DOCK9: variants seen among roughly 807,000 people sequenced by gnomAD.
The protein encoded by DOCK9 is dedicator of cytokinesis 9.
DOCK9 carries 89 observed loss-of-function variants against 263.3 expected under a neutral mutation model. The observed-to-expected ratio is 0.34, with a 90% CI of 0.28 to 0.40. The LOEUF (loss-of-function observed/expected upper bound fraction) is 0.40, where lower values mean the gene tolerates loss of function less well. Among genes scored for constraint, DOCK9 ranks in the 10% least tolerant of loss-of-function variants. The probability of loss-of-function intolerance (pLI) is 1.00; values close to 1 mark genes in which losing one functional copy is unlikely to be tolerated. For missense variants in DOCK9, 2,140 were observed against 2,603.4 expected (o/e 0.82, Z 3.87); for synonymous variants, 976 against 973.1 (o/e 1.00, Z -0.06).
At chr13:98,939,469 T>C (rs1038354399) in intron 2 of DOCK9, among the ~76,000 whole-genome samples, 1 of 152,210 alleles carries the variant, frequency 6.6e-6, no homozygotes, top group Non-Finnish European at 1.5e-5. Flanking sequence ...TGCTTATTTT[T>C]GTGCTTGTTT....
chr13:98,924,373 G>A (rs73560662), intron 4 of DOCK9, among the ~76,000 whole-genome samples: 1 of 152,158 alleles, frequency 6.6e-6, no homozygotes, highest in Non-Finnish European at 1.5e-5. Flanking sequence ...TGTAACAAAC[G>A]CAAAGAAAAA....
intron 7 of DOCK9, among the ~76,000 whole-genome samples, chr13:98,919,765 G>A (rs1189741439): frequency 6.6e-6 from 1 of 152,238 alleles, no homozygotes; most frequent in Non-Finnish European, 1.5e-5. Context: ...CATGTGCACT[G>A]TGAATTGCGT....
intron 1 of DOCK9, among the ~76,000 whole-genome samples, chr13:99,082,717 C>A (rs557942116): frequency 6.6e-6 from 1 of 152,194 alleles, no homozygotes; most frequent in South Asian, 2.1e-4. Context: ...GAATATACGC[C>A]AGCCACTGCC....
At chr13:99,008,275 C>T (rs1883831159) in intron 1 of DOCK9, among the ~76,000 whole-genome samples, 1 of 145,506 alleles carries the variant, frequency 6.9e-6, no homozygotes, top group East Asian at 2.0e-4. Context: ...TCTTGTCCCC[C>T]AGGCTGAAGT....
At chr13:98,809,310 T>A (rs754135974) in intron 47 of DOCK9, 42 bp downstream of exon 47, 6 of 1,511,672 alleles carry the variant, frequency 4.0e-6, no homozygotes, top group South Asian at 2.4e-5. Flanking sequence ...TGTTTTTTTT[T>A]AAAGGACTTA....
chr13:98,847,709 C>A (rs1212426092), intron 37 of DOCK9: 2 of 152,114 alleles, frequency 1.3e-5, no homozygotes, highest in Admixed American at 6.5e-5. Flanking sequence ...GAGAAACAAA[C>A]CTCAATGACA....
intron 18 of DOCK9, 41 bp from the exon 19 acceptor site, chr13:98,886,665 T>A (rs1234364377): frequency 1.3e-6 from 2 of 1,569,462 alleles, no homozygotes; most frequent in Admixed American, 3.4e-5. Context: ...ACGGTTCGAT[T>A]AAGTAAGAAA....
intron 15 of DOCK9, among the ~76,000 whole-genome samples, chr13:98,896,159 A>G (rs1419072004): frequency 6.6e-6 from 1 of 152,256 alleles, no homozygotes; most frequent in African/African-American, 2.4e-5. Flanking sequence ...TTAAAGCTCC[A>G]AACAGGGGAA....
At chr13:98,862,260 T>A (rs2093894710) in intron 32 of DOCK9, among the ~76,000 whole-genome samples, 1 of 152,150 alleles carries the variant, frequency 6.6e-6, no homozygotes, top group Admixed American at 6.5e-5. Flanking sequence ...TGTCCCGCAA[T>A]AAATTCATGT....
At chr13:98,805,412 G>T (rs1187530400) in intron 48 of DOCK9, among the ~76,000 whole-genome samples, 1 of 152,036 alleles carries the variant, frequency 6.6e-6, no homozygotes, top group African/African-American at 2.4e-5. Context: ...TACACTTATG[G>T]ATGTGCACAC....
intron 2 of DOCK9, among the ~76,000 whole-genome samples, chr13:98,939,449 T>G (rs1199747605): frequency 1.3e-5 from 2 of 152,216 alleles, no homozygotes; most frequent in African/African-American, 4.8e-5. Context: ...ATGTAAAGCA[T>G]CCATGCTTGT....
At chr13:99,047,659 C>T (rs1035925362) in intron 1 of DOCK9, among the ~76,000 whole-genome samples, 5 of 152,004 alleles carry the variant, frequency 3.3e-5, no homozygotes, top group African/African-American at 1.2e-4. Flanking sequence ...GCTGGGACTA[C>T]AGGTGCACAC....
At chr13:99,058,168 T>C (rs1248313212) in intron 1 of DOCK9, among the ~76,000 whole-genome samples, 1 of 145,490 alleles carries the variant, frequency 6.9e-6, no homozygotes, top group Non-Finnish European at 1.5e-5. Context: ...CTTGATATCT[T>C]TTTTTTTTTT....
At chr13:98,938,012 G>C (rs2055183090) in intron 2 of DOCK9, among the ~76,000 whole-genome samples, 1 of 152,066 alleles carries the variant, frequency 6.6e-6, no homozygotes, top group Non-Finnish European at 1.5e-5. Flanking sequence ...CGACCCCTGG[G>C]GCCTCTGGCA....
At chr13:98,897,370 C>T (rs2047597763) in intron 15 of DOCK9, 118 bp downstream of exon 15, 1 of 1,269,240 alleles carries the variant, frequency 7.9e-7, no homozygotes. Flanking sequence ...GCTTCACGCT[C>T]ATTTGCCATC....
intron 1 of DOCK9, among the ~76,000 whole-genome samples, chr13:99,054,900 A>T (rs2040849738): frequency 6.6e-6 from 1 of 152,214 alleles, no homozygotes; most frequent in South Asian, 2.1e-4. Flanking sequence ...ATGGCACCTC[A>T]GTTTTAAAGT....
chr13:98,979,180 A>AGTAGTAG, upstream of DOCK9, among the ~76,000 whole-genome samples: 1 of 132,814 alleles, frequency 7.5e-6, no homozygotes, highest in African/African-American at 2.8e-5. Context: ...AGCAGCAGCA[A>AGTAGTAG]TAGTAGTAGT....
intron 27 of DOCK9, 122 bp from the exon 28 acceptor site, chr13:98,868,499 C>T (rs2094104871): frequency 1.7e-6 from 2 of 1,164,330 alleles, no homozygotes; most frequent in Admixed American, 2.5e-5. Context: ...TGCTGTGGCT[C>T]ACACTTGTAA....
Position 98,942,373 on chromosome 13 carries a change from G to T in DOCK9, c.244-12116C>A, listed in dbSNP as rs149584535. Among the ~76,000 whole-genome samples, 532 of 151,904 alleles carry T rather than the reference G, an allele frequency of 3.5e-3. 4 individuals are homozygous for T. Among genetic ancestry groups the T allele is most frequent in the African/African-American group, 0.012 (514 of 41,416 alleles). ...CCTGCCTCAGCCTCCCGAGTAGCTGGGACTACAGGCACCCGCCACCACGCC... is the reference window on the plus strand; with the variant it reads ...CCTGCCTCAGCCTCCCGAGTAGCTGTGACTACAGGCACCCGCCACCACGCC... On this transcript the variant is annotated intron_variant, in intron 2 of 52. Transcript: ENST00000682017.
Sources: allele counts gnomAD v4.1 joint callset (sites outside exome capture counted in the v4.1 genomes callset), GRCh38; gene constraint gnomAD v4.1.1; transcripts MANE v1.5; gene names NCBI Gene and HGNC (gene_info 2026-07-23, HGNC 2026-07-21).